Variants in PKHD1 observed in about 807,000 individuals in gnomAD.
PKHD1 encodes PKHD1 ciliary IPT domain containing fibrocystin/polyductin.
PKHD1 carries 291 observed loss-of-function variants against 412.0 expected under a neutral mutation model. The ratio of observed to expected loss-of-function variants is 0.71; its 90% confidence interval spans 0.64 to 0.78. The LOEUF is 0.78. PKHD1 is among the 30% of genes least tolerant of loss of function. The pLI is 0.00. For synonymous variants in PKHD1, 1,777 were observed against 1,821.5 expected, an observed-to-expected ratio of 0.98 and a Z score of 0.62; for missense variants, 4,825 against 4,950.7, an observed-to-expected ratio of 0.97 and a Z score of 0.76.
Position 51,938,499 on chromosome 6 carries a change from C to T in PKHD1, c.5909-4177G>A, listed in dbSNP as rs916897976. Among the ~76,000 whole-genome samples, 3 of 133,896 alleles carry T rather than the reference C, an allele frequency of 2.2e-5. 1 individual carries two copies. The highest frequency in any genetic ancestry group is 8.0e-5 in the African/African-American group (3 of 37,570). The allele number at this position is 133,896 out of a possible 152,430, so 87.8% of individuals were successfully genotyped here. A position where few individuals can be genotyped will look rare whatever the true frequency, so the allele number is the denominator to read the frequency against. On this transcript the variant is annotated intron_variant, in intron 36 of 66. Coordinates refer to ENST00000371117, the MANE Select transcript of PKHD1 (RefSeq NM_138694.4). ...CCCCCACTGAGCACGCTGTGACCCCCCACTCCTGCCCGCCAGAGAACAACC... is the reference window on the plus strand; with the variant it reads ...CCCCCACTGAGCACGCTGTGACCCCTCACTCCTGCCCGCCAGAGAACAACC...
intron 35 of PKHD1, among the ~76,000 whole-genome samples, chr6:51,987,055 C>A (rs781370949): frequency 3.3e-5 from 5 of 152,016 alleles, no homozygotes; most frequent in African/African-American, 7.3e-5. Context: ...TGATTAATGC[C>A]GATTGTGACT....
intron 60 of PKHD1, among the ~76,000 whole-genome samples, chr6:51,687,337 A>G (rs889010463): frequency 1.3e-5 from 2 of 152,244 alleles, no homozygotes; most frequent in South Asian, 4.1e-4. Flanking sequence ...TTAAGTACTA[A>G]TAATAACTCT....
chr6:51,887,107 A>C, intron 44 of PKHD1, 26 bp downstream of exon 44: 1 of 1,387,914 alleles, frequency 7.2e-7, no homozygotes, highest in Non-Finnish European at 1.0e-6. Context: ...GACAGCCAAA[A>C]CATAGATGAA....
chr6:52,017,311 G>T, intron 34 of PKHD1, 99 bp downstream of exon 34: 1 of 886,532 alleles, frequency 1.1e-6, no homozygotes, highest in Non-Finnish European at 1.9e-6. Context: ...TACCACGGCT[G>T]CCAGGCCACA....
chr6:52,027,587 A>C (rs1426324831), intron 31 of PKHD1, among the ~76,000 whole-genome samples: 2 of 150,490 alleles, frequency 1.3e-5, no homozygotes, highest in Non-Finnish European at 3.0e-5. Context: ...AAAGAAAAAA[A>C]AAAGAAAAGA....
chr6:51,955,501 T>C (rs546522863), intron 36 of PKHD1, among the ~76,000 whole-genome samples: 1 of 152,144 alleles, frequency 6.6e-6, no homozygotes, highest in East Asian at 1.9e-4. Flanking sequence ...TAGATGAAAA[T>C]ATGAGTAAGG....
At chr6:51,787,078 C>T (rs1038980777) in intron 53 of PKHD1, among the ~76,000 whole-genome samples, 11 of 152,094 alleles carry the variant, frequency 7.2e-5, no homozygotes, top group African/African-American at 2.2e-4. Context: ...GCAGGACCAC[C>T]GGCTGGGCAT....
intron 38 of PKHD1, 49 bp downstream of exon 38, chr6:51,912,317 A>G (rs748191224): frequency 1.7e-6 from 2 of 1,167,642 alleles, no homozygotes; most frequent in Non-Finnish European, 2.6e-6. Flanking sequence ...CAATACAGTT[A>G]AGATCTCATC....
chr6:51,853,243 C>T (rs1221294924), intron 49 of PKHD1, among the ~76,000 whole-genome samples: 2 of 152,190 alleles, frequency 1.3e-5, no homozygotes, highest in Non-Finnish European at 2.9e-5. Flanking sequence ...CTTCCAATCT[C>T]CACTGGCTTA....
intron 36 of PKHD1, among the ~76,000 whole-genome samples, chr6:51,943,884 C>T (rs999987981): frequency 6.6e-6 from 1 of 151,420 alleles, no homozygotes; most frequent in African/African-American, 2.4e-5. Context: ...TGAGAAACAT[C>T]GCCCATTATC....
rs541734334 is a variant in PKHD1, at chr6:52,011,207, A to T, written c.5601-748T>A. Among the ~76,000 whole-genome samples, 16 of 152,316 alleles carry T rather than the reference A, an allele frequency of 1.1e-4. 1 individual carries two copies. In the South Asian group the frequency reaches 2.3e-3, roughly 22 times the overall value. On this transcript the variant is annotated intron_variant, in intron 34 of 66. Coordinates refer to ENST00000371117, the MANE Select transcript of PKHD1 (RefSeq NM_138694.4). ...AGCAGTGTAGCATTACAGAAAGTCT[A>T]AAAATATGCCATCTAGAGGTGAGGA...
chr6:51,914,866 A>G (rs1320743230), intron 37 of PKHD1, among the ~76,000 whole-genome samples: 1 of 151,858 alleles, frequency 6.6e-6, no homozygotes, highest in African/African-American at 2.4e-5. Flanking sequence ...CTCTTCATCT[A>G]TCCTTTTAAA....
At chr6:52,030,711 G>A (rs2128158683) in intron 29 of PKHD1, among the ~76,000 whole-genome samples, 1 of 152,228 alleles carries the variant, frequency 6.6e-6, no homozygotes, top group East Asian at 1.9e-4. Flanking sequence ...GGGGTTCTGT[G>A]TCCAGATGAT....
chr6:51,803,939 C>T (rs2151340440), intron 52 of PKHD1, among the ~76,000 whole-genome samples: 1 of 151,360 alleles, frequency 6.6e-6, no homozygotes, highest in East Asian at 1.9e-4. Flanking sequence ...AACTCCTGAC[C>T]TCAGGTGATC....
chr6:51,642,914 G>A (rs1769563194), intron 63 of PKHD1, among the ~76,000 whole-genome samples: 1 of 152,140 alleles, frequency 6.6e-6, no homozygotes, highest in Non-Finnish European at 1.5e-5. Flanking sequence ...AAGGTCTGGA[G>A]GAGCAATGTA....
intron 48 of PKHD1, among the ~76,000 whole-genome samples, chr6:51,859,907 AGT>A (rs1287100937): frequency 6.6e-6 from 1 of 152,188 alleles, no homozygotes; most frequent in Non-Finnish European, 1.5e-5. Context: ...TTCTCCTTCT[AGT>A]CAGAATCCAA....
chr6:52,076,248 A>G (rs2128236749), intron 6 of PKHD1, 28 bp downstream of exon 6: 1 of 1,510,870 alleles, frequency 6.6e-7, no homozygotes, highest in South Asian at 1.1e-5. Context: ...ATTCACAATT[A>G]TTCCTATTTT....
chr6:51,760,223 G>A (rs544654661), intron 55 of PKHD1, among the ~76,000 whole-genome samples: 1 of 152,036 alleles, frequency 6.6e-6, no homozygotes, highest in South Asian at 2.1e-4. Context: ...ATTGAACCAA[G>A]AAGCTCAATA....
intron 60 of PKHD1, among the ~76,000 whole-genome samples, chr6:51,711,859 CA>C (rs1415229757): frequency 1.3e-5 from 2 of 152,146 alleles, no homozygotes; most frequent in African/African-American, 4.8e-5. Flanking sequence ...ATCATATTTG[CA>C]AATATGAGGC....
Sources: allele counts gnomAD v4.1 joint callset (sites outside exome capture counted in the v4.1 genomes callset), GRCh38; gene constraint gnomAD v4.1.1; transcripts MANE v1.5; gene names NCBI Gene and HGNC (gene_info 2026-07-23, HGNC 2026-07-21).